Variants in RPS6KC1 observed in about 807,000 individuals in gnomAD.
RPS6KC1 encodes inactive ribosomal protein S6 kinase delta-1.
Under a neutral mutation model 103.8 loss-of-function variants are expected in RPS6KC1, and 54 were observed. The ratio of observed to expected loss-of-function variants is 0.52; its 90% CI spans 0.42 to 0.65. The LOEUF (loss-of-function observed/expected upper bound fraction) is 0.65. Ranked by LOEUF, RPS6KC1 falls within the 30% of genes least tolerant of loss-of-function variation. The pLI is 0.00. For missense variants in RPS6KC1, 1,151 were observed against 1,253.8 expected (o/e 0.92, Z 1.24); for synonymous variants, 439 against 438.7 (o/e 1.00, Z -0.01).
At chr1:213,609,594 G>A in the RPS6KC1 span, among the ~76,000 whole-genome samples, 1 of 151,974 alleles carries the variant, frequency 6.6e-6, no homozygotes, top group Non-Finnish European at 1.5e-5. Context: ...TTGAATTCCA[G>A]GGAATTCCAG....
the RPS6KC1 span, among the ~76,000 whole-genome samples, chr1:213,376,084 C>CTGTG: frequency 0.017 from 2,380 of 140,294 alleles, 25 homozygotes; most frequent in Middle Eastern, 0.032. Flanking sequence ...CTCGTGACAA[C>CTGTG]TGTGTGTGTG....
the RPS6KC1 span, among the ~76,000 whole-genome samples, chr1:213,604,378 C>T: frequency 4.6e-5 from 7 of 152,232 alleles, no homozygotes; most frequent in Non-Finnish European, 1.0e-4. Flanking sequence ...TTTGCCATCA[C>T]GTATTAATCC....
chr1:213,495,949 AC>A, the RPS6KC1 span, among the ~76,000 whole-genome samples: 1 of 152,162 alleles, frequency 6.6e-6, no homozygotes, highest in African/African-American at 2.4e-5. Context: ...TATTTTTATT[AC>A]CCTCTTAGAA....
At chr1:213,681,525 C>T in the RPS6KC1 span, among the ~76,000 whole-genome samples, 2 of 152,058 alleles carry the variant, frequency 1.3e-5, no homozygotes, top group African/African-American at 4.8e-5. Flanking sequence ...GGGCCCAGCA[C>T]AGTGCCTTAT....
At chr1:213,208,719 A>G (rs1459536522) in intron 8 of RPS6KC1, among the ~76,000 whole-genome samples, 4 of 152,046 alleles carry the variant, frequency 2.6e-5, no homozygotes, top group African/African-American at 7.2e-5. Flanking sequence ...AGGTTTTCAC[A>G]TAATGCCTCT....
intron 8 of RPS6KC1, among the ~76,000 whole-genome samples, chr1:213,206,350 C>T (rs1358210741): frequency 6.6e-6 from 1 of 152,218 alleles, no homozygotes; most frequent in Non-Finnish European, 1.5e-5. Context: ...GGCTCTTCAG[C>T]TTCAGGGCCT....
chr1:213,233,155 G>C (rs1353655220), intron 10 of RPS6KC1, among the ~76,000 whole-genome samples: 2 of 152,094 alleles, frequency 1.3e-5, no homozygotes, highest in Non-Finnish European at 2.9e-5. Context: ...GATGGGGGCA[G>C]TAAACAATTA....
chr1:213,303,160 G>A, the RPS6KC1 span, among the ~76,000 whole-genome samples: 2 of 152,190 alleles, frequency 1.3e-5, no homozygotes, highest in African/African-American at 2.4e-5. Context: ...GCTGACTGCT[G>A]GTCATTGCCT....
the RPS6KC1 span, among the ~76,000 whole-genome samples, chr1:213,629,871 G>C: frequency 1.2e-4 from 19 of 152,222 alleles, no homozygotes; most frequent in East Asian, 3.3e-3. Context: ...ATGAAATTCT[G>C]GGTTGAAAAT....
the RPS6KC1 span, among the ~76,000 whole-genome samples, chr1:213,483,005 T>C: frequency 6.6e-6 from 1 of 152,174 alleles, no homozygotes; most frequent in African/African-American, 2.4e-5. Context: ...ACAAAGTGAT[T>C]TGGAATTTTA....
At chr1:213,553,522 C>T in the RPS6KC1 span, among the ~76,000 whole-genome samples, 1 of 152,020 alleles carries the variant, frequency 6.6e-6, no homozygotes, top group Non-Finnish European at 1.5e-5. Context: ...TGGTATATGC[C>T]CAGTAATGGT....
the RPS6KC1 span, among the ~76,000 whole-genome samples, chr1:213,375,945 G>C: frequency 6.6e-6 from 1 of 152,220 alleles, no homozygotes; most frequent in East Asian, 1.9e-4. Flanking sequence ...GCTGGAAAGA[G>C]AAAGACTCCC....
the RPS6KC1 span, among the ~76,000 whole-genome samples, chr1:213,742,073 G>C: frequency 2.0e-5 from 3 of 152,212 alleles, no homozygotes; most frequent in Non-Finnish European, 2.9e-5. Context: ...GCCAGGAGGG[G>C]GTGGAGGAGA....
At chr1:213,059,277 G>A (rs964708229) in intron 1 of RPS6KC1, among the ~76,000 whole-genome samples, 5 of 152,176 alleles carry the variant, frequency 3.3e-5, no homozygotes, top group African/African-American at 1.2e-4. Flanking sequence ...TAGACAATCT[G>A]TGTTGTCTGC....
At chr1:213,230,974 A>G (rs992689415) in intron 9 of RPS6KC1, among the ~76,000 whole-genome samples, 5 of 152,122 alleles carry the variant, frequency 3.3e-5, no homozygotes, top group Middle Eastern at 3.4e-3. Context: ...TAGTTAATAT[A>G]TCCCCCCCCT....
Position 213,129,732 on chromosome 1 carries a change from TC to T in RPS6KC1, c.680del (p.Pro227LeufsTer4), listed in dbSNP as rs1205185843. ...EEERESRSLF[P>X]GSLKPKLGKR... ...AAGAACGGGAAAGTCGTAGCCTCTT[TC>T]CTGGCAGTTTAAAGCCGAAGCTTGG... On this transcript the variant is annotated frameshift_variant, in exon 6 of 15. Transcript: ENST00000366960. LOFTEE classifies it high-confidence loss of function. 3.6e-5 allele frequency: 58 copies of T among 1,613,962 alleles called. No homozygotes were observed. Among genetic ancestry groups the T allele is most frequent in the Non-Finnish European group, 4.7e-5 (55 of 1,179,994 alleles).
the RPS6KC1 span, among the ~76,000 whole-genome samples, chr1:213,846,239 G>A: frequency 3.3e-5 from 5 of 151,380 alleles, no homozygotes; most frequent in East Asian, 5.8e-4. Flanking sequence ...GGCGGAGGTC[G>A]CAGTGAACCG....
At chr1:213,234,192 G>A (rs2094172149) in intron 10 of RPS6KC1, among the ~76,000 whole-genome samples, 1 of 151,482 alleles carries the variant, frequency 6.6e-6, no homozygotes, top group South Asian at 2.1e-4. Context: ...AAAATTTTTT[G>A]TAGAGATTGG....
the RPS6KC1 span, among the ~76,000 whole-genome samples, chr1:213,605,931 G>A: frequency 6.6e-6 from 1 of 152,162 alleles, no homozygotes; most frequent in Non-Finnish European, 1.5e-5. Context: ...TTGAGGGAGT[G>A]CAAACCATGA....
Sources: allele counts gnomAD v4.1 joint callset (sites outside exome capture counted in the v4.1 genomes callset), GRCh38; gene constraint gnomAD v4.1.1; transcripts MANE v1.5; gene names NCBI Gene and HGNC (gene_info 2026-07-23, HGNC 2026-07-21).